TBC1D8: variants seen among roughly 807,000 people sequenced by gnomAD.
The protein encoded by TBC1D8 is TBC1 domain family member 8.
TBC1D8 carries 65 observed loss-of-function variants against 118.8 expected under a neutral mutation model. The observed-to-expected ratio is 0.55, with a 90% CI of 0.45 to 0.67. The LOEUF (loss-of-function observed/expected upper bound fraction) is 0.67. Among genes scored for constraint, TBC1D8 ranks in the 30% least tolerant of loss-of-function variants. The probability of loss-of-function intolerance (pLI) is 0.00; values close to 1 mark genes in which losing one functional copy is unlikely to be tolerated. For synonymous variants in TBC1D8, 566 were observed against 595.8 expected (o/e 0.95, Z 0.73); for missense variants, 1,376 against 1,471.2 (o/e 0.94, Z 1.06).
At chr2:101,098,423 G>A (rs971912140) in intron 1 of TBC1D8, among the ~76,000 whole-genome samples, 2 of 151,934 alleles carry the variant, frequency 1.3e-5, no homozygotes, top group East Asian at 1.9e-4. Flanking sequence ...AATAGTGGGA[G>A]ATTATAACAC....
At chr2:101,045,103 C>T (rs546134908) in intron 5 of TBC1D8, among the ~76,000 whole-genome samples, 3 of 152,142 alleles carry the variant, frequency 2.0e-5, no homozygotes, top group African/African-American at 4.8e-5. Context: ...TGGGTCAACC[C>T]GACTCTGGAA....
chr2:101,090,336 C>T lies in TBC1D8; in HGVS notation c.156G>A (p.Val52=), dbSNP rs1235006160. The part of the protein sequence containing the change: ...TGRLVGALDA[V]LDSNARVAPF... Reference sequence around the variant, plus strand: ...GAGCGACCCGTGCATTGGAATCCAACACTGCATCCAGAGCGCCGACCAGGC... The same window carrying T: ...GAGCGACCCGTGCATTGGAATCCAATACTGCATCCAGAGCGCCGACCAGGC... The change falls in exon 2 of 20, where the codon GTG becomes GTA. Residue 52 remains valine (V), a synonymous_variant. Transcript: ENST00000409318. 6.2e-7 allele frequency: 1 copy of T among 1,614,022 alleles called. No individual in the cohort carries two copies. The highest frequency in any genetic ancestry group is 1.3e-5 in the African/African-American group (1 of 75,054).
chr2:101,122,766 C>T (rs888582125), intron 1 of TBC1D8, among the ~76,000 whole-genome samples: 4 of 152,022 alleles, frequency 2.6e-5, no homozygotes, highest in Admixed American at 6.6e-5. Flanking sequence ...ACAAAACAGT[C>T]CCCCCAAATT....
At chr2:101,018,076 A>G in intron 17 of TBC1D8, 1 of 736,386 alleles carries the variant, frequency 1.4e-6, no homozygotes, top group Non-Finnish European at 2.2e-6. Flanking sequence ...ATCTAGGCTA[A>G]TGGGACTAGA....
In TBC1D8 at chr2:101,101,154, A is replaced by T. The variant is rs528932820; in HGVS notation, c.128-10790T>A. Among the ~76,000 whole-genome samples, 3 of 152,354 alleles carry T rather than the reference A, an allele frequency of 2.0e-5. No homozygotes were observed. In the East Asian group the frequency reaches 5.8e-4, roughly 29 times the overall value. On this transcript the variant is annotated intron_variant, in intron 1 of 19. Coordinates refer to ENST00000409318, the MANE Select transcript of TBC1D8 (RefSeq NM_001330348.2). ...ATTTTTGCAATCTACTCATCTGACA[A>T]AGATCTAATATCCAGAAGTTACAAG... is the stretch of plus-strand genomic sequence containing the variant.
At position 101,010,949 on chromosome 2, in the gene TBC1D8, C is replaced by A; in HGVS notation, c.2995G>T (p.Glu999Ter). 6.2e-7 allele frequency: 1 copy of A among 1,611,254 alleles called. No individual in the cohort carries two copies. Among genetic ancestry groups the A allele is most frequent in the Non-Finnish European group, 8.5e-7 (1 of 1,179,574 alleles). ...CATACCTGGCTCATTTTGGGCAATT[C>A]TTTCTCAGTTTTATCTTTTTCTTTG... ...LAKEKDKTEKELPKMSQREFI... is the reference protein window; with the variant it reads ...LAKEKDKTEK Residue 999 changes from glutamate (E) to a stop codon, truncating the protein, a stop_gained, in exon 19 of 20, where the codon GAA becomes TAA. Transcript: ENST00000409318. LOFTEE classifies it low-confidence loss of function (END_TRUNC).
At chr2:101,043,902 T>G (rs1681539365) in intron 5 of TBC1D8, among the ~76,000 whole-genome samples, 1 of 152,050 alleles carries the variant, frequency 6.6e-6, no homozygotes, top group Admixed American at 6.5e-5. Context: ...ATCGTGCCAT[T>G]GCACTCCAGC....
intron 2 of TBC1D8, among the ~76,000 whole-genome samples, chr2:101,071,155 C>T (rs1345216923): frequency 6.6e-6 from 1 of 151,854 alleles, no homozygotes; most frequent in Non-Finnish European, 1.5e-5. Context: ...CTGGCTAATA[C>T]GGTGAAACTC....
chr2:101,033,121 A>ACTTT (rs1224891423), intron 10 of TBC1D8, among the ~76,000 whole-genome samples: 1 of 87,742 alleles, frequency 1.1e-5, no homozygotes, highest in African/African-American at 3.7e-5. Flanking sequence ...GCACTCGGTA[A>ACTTT]ATTTTTTTTT....
chr2:101,145,641 A>G (rs1679289153), intron 1 of TBC1D8, among the ~76,000 whole-genome samples: 1 of 152,200 alleles, frequency 6.6e-6, no homozygotes, highest in Non-Finnish European at 1.5e-5. Flanking sequence ...ATGAATCCTT[A>G]GCCTGTCAGT....
chr2:101,100,464 T>C (rs1348773362), intron 1 of TBC1D8, among the ~76,000 whole-genome samples: 7 of 152,306 alleles, frequency 4.6e-5, no homozygotes, highest in Admixed American at 1.3e-4. Context: ...TTCAATGCTA[T>C]TCCCATCAAA....
At chr2:101,010,857 G>A (rs1679153202) in intron 19 of TBC1D8, 72 bp downstream of exon 19, 2 of 1,320,264 alleles carry the variant, frequency 1.5e-6, no homozygotes, top group East Asian at 2.3e-5. Flanking sequence ...ACTCCAGCCT[G>A]GGCGACAGAG....
Position 101,151,281 on chromosome 2 carries a change from C to A in TBC1D8, c.-28G>T. 1 of 1,134,968 alleles carries A rather than the reference C, an allele frequency of 8.8e-7. No homozygotes were observed. Among genetic ancestry groups the A allele is most frequent in the Non-Finnish European group, 1.1e-6 (1 of 910,340 alleles). The allele number at this position is 1,134,968 out of a possible 1,614,324, so 70.3% of individuals were successfully genotyped here. ...CGGCGGTCCGGCCGCGCCCGCCGGC[C>A]CCAGCTCACATCTCCCCGGCCGCCG... is the stretch of plus-strand genomic sequence containing the variant. On this transcript the variant is annotated 5_prime_UTR_variant, in exon 1 of 20. Coordinates refer to ENST00000409318, the MANE Select transcript of TBC1D8 (RefSeq NM_001330348.2).
chr2:101,076,914 G>A (rs1186825154), intron 2 of TBC1D8, among the ~76,000 whole-genome samples: 1 of 152,210 alleles, frequency 6.6e-6, no homozygotes, highest in Non-Finnish European at 1.5e-5. Flanking sequence ...GGCAACTTCT[G>A]CTTCTGGGGA....
intron 16 of TBC1D8, among the ~76,000 whole-genome samples, 178 bp downstream of exon 16, chr2:101,022,103 C>T (rs1680064613): frequency 6.6e-6 from 1 of 152,194 alleles, no homozygotes; most frequent in South Asian, 2.1e-4. Flanking sequence ...CATCCCCCTT[C>T]AGAAAGTAGA....
chr2:101,060,134 A>G (rs890911297), intron 2 of TBC1D8, among the ~76,000 whole-genome samples: 1 of 152,194 alleles, frequency 6.6e-6, no homozygotes, highest in African/African-American at 2.4e-5. Context: ...CACCCACCCT[A>G]CTAACGCAAA....
intron 1 of TBC1D8, among the ~76,000 whole-genome samples, chr2:101,142,363 T>C (rs961380890): frequency 6.6e-6 from 1 of 152,142 alleles, no homozygotes; most frequent in African/African-American, 2.4e-5. Context: ...TGTCGGGGTG[T>C]TTGTTACTGC....
intron 4 of TBC1D8, among the ~76,000 whole-genome samples, chr2:101,052,120 C>T (rs766848662): frequency 2.0e-5 from 3 of 152,296 alleles, no homozygotes; most frequent in African/African-American, 4.8e-5. Context: ...ACAGCATTCA[C>T]GGTGTAAGCT....
chr2:101,102,592 A>G (rs1224448276), intron 1 of TBC1D8, among the ~76,000 whole-genome samples: 1 of 152,126 alleles, frequency 6.6e-6, no homozygotes, highest in East Asian at 1.9e-4. Context: ...GAAGAAACTC[A>G]TTTAAGACTC....
Sources: gnomAD v4.1 joint callset for allele counts (sites outside exome capture counted in the v4.1 genomes callset) on GRCh38, gnomAD v4.1.1 for gene constraint, MANE v1.5 for transcripts, NCBI Gene and HGNC (gene_info 2026-07-23, HGNC 2026-07-21) for gene names.